The following SSH2 variants were observed in gnomAD, a reference collection of about 807,000 sequenced individuals.
SSH2 encodes protein phosphatase Slingshot homolog 2.
SSH2 carries 37 observed loss-of-function variants against 135.2 expected under a neutral mutation model. The observed-to-expected ratio is 0.27, with a 90% CI of 0.21 to 0.36. The LOEUF (loss-of-function observed/expected upper bound fraction) is 0.36, where lower values mean the gene tolerates loss of function less well. Among genes scored for constraint, SSH2 ranks in the 10% least tolerant of loss-of-function variants. The pLI is 1.00. For missense variants in SSH2, 1,408 were observed against 1,765.3 expected (o/e 0.80, Z 3.63); for synonymous variants, 628 against 646.2 (o/e 0.97, Z 0.43).
At chr17:29,791,196 C>T (rs1287756144) in intron 3 of SSH2, among the ~76,000 whole-genome samples, 2 of 152,128 alleles carry the variant, frequency 1.3e-5, no homozygotes, top group Non-Finnish European at 2.9e-5. Flanking sequence ...ACCAATTCTC[C>T]TGCCTCAGAC....
intron 1 of SSH2, among the ~76,000 whole-genome samples, chr17:29,913,347 A>ATTATATATAT (rs1429739888): frequency 3.5e-5 from 1 of 28,778 alleles, no homozygotes; most frequent in Non-Finnish European, 5.9e-5. Context: ...AAAAAAAAAA[A>ATTATATATAT]ATATATATAT....
chr17:29,845,469 G>A (rs2043116395), intron 2 of SSH2, among the ~76,000 whole-genome samples: 1 of 152,172 alleles, frequency 6.6e-6, no homozygotes, highest in Non-Finnish European at 1.5e-5. Context: ...TAAAAAGCCA[G>A]CCAAGTACAT....
Position 29,791,925 on chromosome 17 carries a change from T to TC in SSH2, c.188+1968_188+1969insG, listed in dbSNP as rs1406998380. On this transcript the variant is annotated intron_variant, in intron 3 of 15. Transcript: ENST00000540801. Reference sequence around the variant, plus strand: ...TGATTCTTCTTCTTCCTCTTTTTTTTTTTTTTTTTTTTAGTAAGACAGAGT... The same window carrying TC: ...TGATTCTTCTTCTTCCTCTTTTTTTTCTTTTTTTTTTTTAGTAAGACAGAGT... Among the ~76,000 whole-genome samples, 3 of 150,478 alleles carry TC rather than the reference T, an allele frequency of 2.0e-5. No homozygotes were observed. The East Asian group carries it at 5.8e-4, about 29-fold the overall frequency.
At chr17:29,781,536 A>G (rs1457197600) in intron 3 of SSH2, among the ~76,000 whole-genome samples, 2 of 141,694 alleles carry the variant, frequency 1.4e-5, no homozygotes, top group Non-Finnish European at 3.0e-5. Context: ...CTAGAGTGCA[A>G]TGGCGCAGTC....
intron 3 of SSH2, among the ~76,000 whole-genome samples, chr17:29,723,521 TAAGAAAGTATGG>T (rs901671016): frequency 6.6e-6 from 1 of 152,136 alleles, no homozygotes; most frequent in Non-Finnish European, 1.5e-5. Flanking sequence ...CTTTGGAAGA[TAAGAAAGTATGG>T]AAGATATTAC....
intron 2 of SSH2, among the ~76,000 whole-genome samples, chr17:29,799,847 G>C (rs952164276): frequency 6.6e-6 from 1 of 152,162 alleles, no homozygotes. Flanking sequence ...ACTTATTCAA[G>C]GTCATAAATG....
intron 2 of SSH2, among the ~76,000 whole-genome samples, chr17:29,838,190 C>T (rs1312558246): frequency 2.0e-5 from 3 of 152,230 alleles, no homozygotes; most frequent in African/African-American, 7.2e-5. Context: ...CTGGTGCAAC[C>T]CAGCCACGTG....
intron 12 of SSH2, among the ~76,000 whole-genome samples, chr17:29,651,642 A>G (rs1194070044): frequency 6.6e-6 from 1 of 152,234 alleles, no homozygotes; most frequent in Non-Finnish European, 1.5e-5. Flanking sequence ...TCTCTCTGAG[A>G]CATTGCTTCC....
intron 12 of SSH2, among the ~76,000 whole-genome samples, chr17:29,654,853 T>C (rs2036718756): frequency 6.6e-6 from 1 of 152,202 alleles, no homozygotes; most frequent in South Asian, 2.1e-4. Flanking sequence ...CTACACAGGA[T>C]AGGGACTGAG....
At chr17:29,788,808 T>C (rs1226299222) in intron 3 of SSH2, among the ~76,000 whole-genome samples, 1 of 152,132 alleles carries the variant, frequency 6.6e-6, no homozygotes, top group African/African-American at 2.4e-5. Context: ...AAGTGCATGC[T>C]AGAAAAAGCC....
chr17:29,638,527 C>T (rs1436764631), intron 14 of SSH2, among the ~76,000 whole-genome samples: 3 of 147,060 alleles, frequency 2.0e-5, no homozygotes, highest in Non-Finnish European at 4.5e-5. Context: ...CACACACACA[C>T]ACACACACAC....
intron 8 of SSH2, among the ~76,000 whole-genome samples, chr17:29,674,319 G>C (rs1039127883): frequency 2.0e-5 from 3 of 152,150 alleles, no homozygotes; most frequent in Non-Finnish European, 2.9e-5. Context: ...AGTCTCAAGA[G>C]AATAATCTGA....
intron 2 of SSH2, among the ~76,000 whole-genome samples, chr17:29,847,512 C>T (rs576622473): frequency 4.6e-5 from 7 of 152,270 alleles, no homozygotes; most frequent in Non-Finnish European, 8.8e-5. Context: ...CAATAGGAGA[C>T]AGTTATCTAA....
chr17:29,649,674 A>G (rs2036516665), intron 13 of SSH2, among the ~76,000 whole-genome samples: 1 of 152,146 alleles, frequency 6.6e-6, no homozygotes. Context: ...TTCACCACTT[A>G]TTTGACCTCT....
intron 14 of SSH2, among the ~76,000 whole-genome samples, chr17:29,642,469 T>C (rs2036203424): frequency 6.6e-6 from 1 of 151,996 alleles, no homozygotes; most frequent in Non-Finnish European, 1.5e-5. Context: ...TAATGGAACA[T>C]AAATCTGCCA....
chr17:29,650,393 T>G (rs1356000411), intron 13 of SSH2, among the ~76,000 whole-genome samples: 3 of 152,220 alleles, frequency 2.0e-5, no homozygotes, highest in African/African-American at 4.8e-5. Flanking sequence ...CTGTATCTTT[T>G]GCTGCAGTTT....
intron 2 of SSH2, among the ~76,000 whole-genome samples, chr17:29,836,894 G>GTTAA (rs1428623237): frequency 6.6e-6 from 1 of 152,138 alleles, no homozygotes; most frequent in African/African-American, 2.4e-5. Flanking sequence ...TCTCTACAAG[G>GTTAA]TTAACACTTC....
At chr17:29,919,758 G>T (rs1264088886) in intron 1 of SSH2, among the ~76,000 whole-genome samples, 2 of 101,688 alleles carry the variant, frequency 2.0e-5, no homozygotes, top group Non-Finnish European at 4.1e-5. Context: ...CTACAGCTAG[G>T]TGTTTTTTTT....
chr17:29,836,814 C>T lies in SSH2; in HGVS notation c.144+12035G>A, dbSNP rs1599067553. 4.6e-5 allele frequency among the ~76,000 whole-genome samples: 7 copies of T among 152,282 alleles called. 1 individual carries two copies. Among genetic ancestry groups the T allele is most frequent in the Admixed American group, 4.6e-4 (7 of 15,302 alleles). On this transcript the variant is annotated intron_variant, in intron 2 of 15. Transcript: ENST00000540801. ...TTAGGAGTGACTCAGCAGACAGGAT[C>T]CACTGAGATTAAGAATTTGTTAAAT...
Sources: allele counts gnomAD v4.1 joint callset (sites outside exome capture counted in the v4.1 genomes callset), GRCh38; gene constraint gnomAD v4.1.1; transcripts MANE v1.5; gene names NCBI Gene and HGNC (gene_info 2026-07-23, HGNC 2026-07-21).